The following LATS2 variants were observed in gnomAD, a reference collection of about 807,000 sequenced individuals.
LATS2 encodes large tumor suppressor kinase 2.
LATS2 carries 24 observed loss-of-function variants against 76.0 expected under a neutral mutation model. The observed-to-expected ratio is 0.32, with a 90% CI of 0.23 to 0.44. The LOEUF (loss-of-function observed/expected upper bound fraction) is 0.44, where lower values mean the gene tolerates loss of function less well. Ranked by LOEUF, LATS2 falls within the 20% of genes least tolerant of loss-of-function variation. The pLI is 1.00. For synonymous variants in LATS2, 692 were observed against 635.4 expected (o/e 1.09, Z -1.34); for missense variants, 1,286 against 1,481.2 (o/e 0.87, Z 2.16).
chr13:20,998,902 CGTT>C (rs1870898966), intron 2 of LATS2, among the ~76,000 whole-genome samples: 1 of 152,094 alleles, frequency 6.6e-6, no homozygotes, highest in Non-Finnish European at 1.5e-5. Context: ...GCCCTGGCGA[CGTT>C]GTCCACGCAG....
intron 2 of LATS2, among the ~76,000 whole-genome samples, chr13:21,003,711 G>C (rs917334062): frequency 6.6e-6 from 1 of 151,966 alleles, no homozygotes; most frequent in Admixed American, 6.6e-5. Flanking sequence ...CAAAGTGCTG[G>C]GATTACATGC....
At chr13:21,001,383 C>T (rs570108662) in intron 2 of LATS2, among the ~76,000 whole-genome samples, 70 of 152,338 alleles carry the variant, frequency 4.6e-4, no homozygotes, top group African/African-American at 1.5e-3. Flanking sequence ...TATGTACGGG[C>T]TGCAGCCCCC....
intron 2 of LATS2, among the ~76,000 whole-genome samples, chr13:21,037,967 A>AG (rs1251698297): frequency 6.6e-6 from 1 of 152,092 alleles, no homozygotes; most frequent in Non-Finnish European, 1.5e-5. Flanking sequence ...TTTCAGAATG[A>AG]GGGGGGCTAG....
intron 2 of LATS2, among the ~76,000 whole-genome samples, chr13:21,010,428 C>G (rs1871546550): frequency 6.6e-6 from 1 of 152,126 alleles, no homozygotes; most frequent in Admixed American, 6.6e-5. Context: ...CTACAGGCCC[C>G]ACCCTATAGT....
rs1441764222 is a variant in LATS2 at position 20,973,785 on chromosome 13, G to A, written c.*1085C>T. 1 of 229,942 alleles carries A rather than the reference G, an allele frequency of 4.3e-6. No homozygotes were observed. Among genetic ancestry groups the A allele is most frequent in the Non-Finnish European group, 8.6e-6 (1 of 115,898 alleles). 14.2% of individuals were successfully genotyped at this position (229,942 alleles called of 1,614,324 possible). ...AACATTCACTGAAGCTTTCAGTGTG[G>A]GCAGTCTGTCAGTAAAAAGGTAAGT... On this transcript the variant is annotated 3_prime_UTR_variant, in exon 8 of 8. Transcript: ENST00000382592.
At chr13:20,995,553 AGTGACTGAGTTAGACT>A (rs1171876835) in intron 2 of LATS2, among the ~76,000 whole-genome samples, 1 of 152,204 alleles carries the variant, frequency 6.6e-6, no homozygotes, top group Admixed American at 6.5e-5. Flanking sequence ...TGATTGAGTG[AGTGACTGAGTTAGACT>A]GTGACATAGG....
At chr13:21,039,746 T>A (rs747471079) in intron 2 of LATS2, among the ~76,000 whole-genome samples, 15 of 152,264 alleles carry the variant, frequency 9.9e-5, no homozygotes, top group Non-Finnish European at 2.2e-4. Flanking sequence ...GCCAACACAA[T>A]GCCCAATGCA....
chr13:20,988,546 G>A lies in LATS2; in HGVS notation c.1234C>T (p.His412Tyr). ...CCAGGCGGACCGGGCCGCGGCTGGT[G>A]GCTGTTGAAGGAGTTGGTCCTGCTG... Reference protein sequence around the residue: ...VPSRTNSFNSHQPRPGPPGKA... With the variant: ...VPSRTNSFNSYQPRPGPPGKA... Residue 412 changes from histidine to tyrosine, a missense_variant, in exon 4 of 8, where the codon CAC (histidine) becomes TAC (tyrosine). Coordinates refer to ENST00000382592, the MANE Select transcript of LATS2 (RefSeq NM_014572.3). 1 of 1,580,644 alleles carries A rather than the reference G, an allele frequency of 6.3e-7. No individual in the cohort carries two copies. The highest frequency in any genetic ancestry group is 8.5e-7 in the Non-Finnish European group (1 of 1,172,014).
intron 7 of LATS2, 56 bp from the exon 8 acceptor site, chr13:20,975,420 G>A (rs1869567991): frequency 6.0e-6 from 9 of 1,496,906 alleles, no homozygotes; most frequent in Non-Finnish European, 8.0e-6. Flanking sequence ...GGGCAGTTCT[G>A]GGACAGCGTG....
At position 20,973,682 on chromosome 13, in the gene LATS2, C is replaced by T. The variant is rs748339386; in HGVS notation, c.*1188G>A. On this transcript the variant is annotated 3_prime_UTR_variant, in exon 8 of 8. Coordinates refer to ENST00000382592, the MANE Select transcript of LATS2 (RefSeq NM_014572.3). ...TTAAGATTTGATACTTCAAAGTACA[C>T]TAAAAGAACAAAAAAAAAGTGAGAG... is the stretch of plus-strand genomic sequence containing the variant. 6 of 230,430 alleles carry T rather than the reference C, an allele frequency of 2.6e-5. No individual in the cohort carries two copies. The highest frequency in any genetic ancestry group is 3.4e-5 in the Non-Finnish European group (4 of 116,316). 14.3% of individuals were successfully genotyped at this position (230,430 alleles called of 1,614,324 possible).
In LATS2 at chr13:21,032,565, CT is replaced by C. The variant is rs949353921; in HGVS notation, c.342+13119del. 5.9e-4 allele frequency among the ~76,000 whole-genome samples: 90 copies of C among 151,542 alleles called. 1 individual carries two copies. Among genetic ancestry groups the C allele is most frequent in the South Asian group, 1.9e-3 (9 of 4,748 alleles). ...ATAGGGGTGAGCCACTGCACCCAGC[CT>C]TTTTTTTTCGTTCTTTTTTAAGCCC... On this transcript the variant is annotated intron_variant, in intron 2 of 7. Transcript: ENST00000382592.
At chr13:21,014,555 T>A (rs1419204672) in intron 2 of LATS2, among the ~76,000 whole-genome samples, 3 of 152,206 alleles carry the variant, frequency 2.0e-5, no homozygotes, top group Admixed American at 1.3e-4. Flanking sequence ...GAAGGTTTTA[T>A]GGCAATGCTG....
rs759355501 is a variant in LATS2, at chr13:20,975,082, T to A, written c.3055A>T (p.Thr1019Ser). ...SPWNDASEGS[T>S]KAWDTLTSPN... is the part of the protein sequence containing the mutation. ...GAGGTGAGTGTGTCCCAGGCCTTGG[T>A]GCTACCTTCGCTGGCATCGTTCCAA... The change falls in exon 8 of 8, where the codon ACC becomes TCC. Residue 1019 changes from threonine to serine, a missense_variant. By Grantham distance (58) the Thr-to-Ser change is moderately conservative. Around this residue, in one of 5 missense-constraint regions of LATS2, gnomAD observed 210 missense variants for 234.9 expected, o/e 0.89. Transcript: ENST00000382592. 1.9e-6 allele frequency: 3 copies of A among 1,614,132 alleles called. No homozygotes were observed. The African/African-American group carries it at 4.0e-5, about 22-fold the overall frequency.
intron 3 of LATS2, among the ~76,000 whole-genome samples, chr13:20,990,461 ATT>A (rs35074574): frequency 0.011 from 1,005 of 94,496 alleles, 28 homozygotes; most frequent in African/African-American, 0.037. Flanking sequence ...AATTACTAGG[ATT>A]TTTTTTTTTT....
intron 5 of LATS2, among the ~76,000 whole-genome samples, chr13:20,981,935 C>A (rs985734188): frequency 6.6e-6 from 1 of 152,192 alleles, no homozygotes; most frequent in South Asian, 2.1e-4. Flanking sequence ...GCACTGCAGG[C>A]AGGAGAGGCT....
intron 1 of LATS2, among the ~76,000 whole-genome samples, chr13:21,058,514 TCCCCTCCCACCAAAAGAAAG>T (rs550269632): frequency 1.3e-3 from 196 of 152,194 alleles, no homozygotes; most frequent in Non-Finnish European, 2.3e-3. Context: ...GTAAAATCAT[TCCCCTCCCACCAAAAGAAAG>T]CCCCTCCCAC....
intron 2 of LATS2, among the ~76,000 whole-genome samples, chr13:20,998,745 G>GCGAGGCGGGGCGGGGC (rs1555224839): frequency 0.07 from 10,581 of 152,152 alleles, 754 homozygotes; most frequent in East Asian, 0.35. Flanking sequence ...TCAATGCGGG[G>GCGAGGCGGGGCGGGGC]CGAGGCGGGG....
chr13:21,038,251 G>T (rs1246065707), intron 2 of LATS2, among the ~76,000 whole-genome samples: 2 of 152,114 alleles, frequency 1.3e-5, no homozygotes, highest in Admixed American at 1.3e-4. Flanking sequence ...CAGTGCATGA[G>T]GTGCTTCCGA....
In LATS2 at chr13:21,061,470, G is replaced by C. The variant is rs2138425825; in HGVS notation, c.-329C>G. ...GCCCCGCAGGGACGGGGGAGCCCCG[G>C]GCGGCGGCGGTGGCGTGGACGGCGA... On this transcript the variant is annotated 5_prime_UTR_variant, in exon 1 of 8. Coordinates refer to ENST00000382592, the MANE Select transcript of LATS2 (RefSeq NM_014572.3). The C allele has an allele frequency of 6.5e-6, 1 of 153,572 alleles. No homozygotes were observed. The highest frequency in any genetic ancestry group is 3.4e-3 in the Middle Eastern group (1 of 298). 9.5% of individuals were successfully genotyped at this position (153,572 alleles called of 1,614,324 possible).
Sources: gnomAD v4.1 joint callset for allele counts (sites outside exome capture counted in the v4.1 genomes callset) on GRCh38, gnomAD v4.1.1 for gene constraint, gnomAD v4.1.1 regional missense constraint, MANE v1.5 for transcripts, NCBI Gene and HGNC (gene_info 2026-07-23, HGNC 2026-07-21) for gene names.